The following DDOST variants were observed in gnomAD, a reference collection of about 807,000 sequenced individuals.
DDOST encodes dolichyl-diphosphooligosaccharide--protein glycosyltransferase non-catalytic subunit, also known as dolichyl-diphosphooligosaccharide--protein glycosyltransferase 48 kDa subunit.
In DDOST, 25 loss-of-function variants were observed where a neutral mutation model predicts 47.6. The observed-to-expected ratio is 0.53, with a 90% CI of 0.38 to 0.73. DDOST has a LOEUF of 0.73. Among genes scored for constraint, DDOST ranks in the 30% least tolerant of loss-of-function variants. The pLI is 0.00. For missense variants in DDOST, 526 were observed against 573.9 expected (o/e 0.92, Z 0.85); for synonymous variants, 275 against 236.0 (o/e 1.17, Z -1.51).
At chr1:20,654,179 C>T (rs1281678512) in intron 7 of DDOST, 44 bp downstream of exon 7, 4 of 1,548,842 alleles carry the variant, frequency 2.6e-6, no homozygotes, top group Non-Finnish European at 3.5e-6. Flanking sequence ...TATACACACA[C>T]TGCACCACCC....
intron 4 of DDOST, 62 bp from the exon 5 acceptor site, chr1:20,655,596 T>G: frequency 2.5e-6 from 4 of 1,591,732 alleles, no homozygotes; most frequent in Non-Finnish European, 3.4e-6. Flanking sequence ...AGGGAGAACC[T>G]CCTCACACCC....
intron 3 of DDOST, 38 bp from the exon 4 acceptor site, chr1:20,655,817 AG>A (rs768578151): frequency 1.9e-6 from 3 of 1,569,912 alleles, no homozygotes; most frequent in Non-Finnish European, 2.6e-6. Flanking sequence ...GAGCCCTTAC[AG>A]GGGGGCCTTG....
chr1:20,651,802 T>TTTTTTTTTTTATTTA lies in DDOST; in HGVS notation c.*576_*577insTAAATAAAAAAAAAA, dbSNP rs1360664032. On this transcript the variant is annotated 3_prime_UTR_variant, in exon 11 of 11. Coordinates refer to ENST00000602624, the MANE Select transcript of DDOST (RefSeq NM_005216.5). ...TTTGAGGGCAACATCTCGCTTTATTTTTATTTATTTATTTATTTATTTATT... is the reference window on the plus strand; with the variant it reads ...TTTGAGGGCAACATCTCGCTTTATTTTTTTTTTTTTATTTATTATTTATTTATTTATTTATTTATT... 3.1e-4 allele frequency: 1 copy of TTTTTTTTTTTATTTA among 3,184 alleles called. No individual in the cohort carries two copies. The highest frequency in any genetic ancestry group is 7.1e-4 in the Non-Finnish European group (1 of 1,416). 0.2% of individuals were successfully genotyped at this position (3,184 alleles called of 1,614,324 possible).
At chr1:20,654,061 C>T (rs961549458) in intron 7 of DDOST, among the ~76,000 whole-genome samples, 162 bp downstream of exon 7, 6 of 152,198 alleles carry the variant, frequency 3.9e-5, no homozygotes, top group Admixed American at 2.0e-4. Flanking sequence ...AGTGCCAATA[C>T]CAGCAATATA....
In DDOST at chr1:20,654,631, C is replaced by T. The variant is rs1395077769; in HGVS notation, c.628G>A (p.Asp210Asn). 2 of 1,563,492 alleles carry T rather than the reference C, an allele frequency of 1.3e-6. No homozygotes were observed. The highest frequency in any genetic ancestry group is 1.7e-4 in the Middle Eastern group (1 of 5,998). The change falls in exon 6 of 11, where the codon GAC (aspartate) becomes AAC (asparagine). Residue 210 changes from aspartate to asparagine, a missense_variant. Coordinates refer to ENST00000602624, the MANE Select transcript of DDOST (RefSeq NM_005216.5). ...GSSTSYSFFP[D>N]KPITQYPHAV... ...GCCCTTACCTGGGTGATAGGCTTGT[C>T]CGGGAAGAAGGAGTAAGAGGTGGAA...
rs1196325942 is a variant in DDOST, at chr1:20,661,368, A to C, written c.-18T>G. On this transcript the variant is annotated 5_prime_UTR_variant, in exon 1 of 11. Coordinates refer to ENST00000602624, the MANE Select transcript of DDOST (RefSeq NM_005216.5). ...GGCTCCATCTTCCTCCTCCTGCCGA[A>C]GGACCCAGCACGTGCACACCGGAAG... is the stretch of plus-strand genomic sequence containing the variant. The C allele has an allele frequency of 2.5e-6, 4 of 1,612,438 alleles. No individual in the cohort carries two copies. Among genetic ancestry groups the C allele is most frequent in the African/African-American group, 2.7e-5 (2 of 74,930 alleles).
At chr1:20,656,336 C>A in intron 2 of DDOST, 149 bp from the exon 3 acceptor site, 2 of 629,300 alleles carry the variant, frequency 3.2e-6, no homozygotes, top group Non-Finnish European at 5.7e-6. Context: ...AGGCTTCCCA[C>A]ACCACATCCC....
intron 8 of DDOST, 148 bp downstream of exon 8, chr1:20,653,479 C>T (rs1256232066): frequency 2.5e-6 from 2 of 788,044 alleles, no homozygotes; most frequent in Non-Finnish European, 3.8e-6. Flanking sequence ...CTCTGCATCT[C>T]ACCTGGCATG....
At chr1:20,660,483 C>A (rs2053423317) in intron 2 of DDOST, 1 of 158,272 alleles carries the variant, frequency 6.3e-6, no homozygotes, top group Admixed American at 6.1e-5. Context: ...TATCTGAATT[C>A]TTAAGATCAA....
intron 2 of DDOST, among the ~76,000 whole-genome samples, chr1:20,658,519 G>A (rs1030235709): frequency 5.9e-5 from 9 of 152,366 alleles, no homozygotes; most frequent in East Asian, 1.9e-4. Flanking sequence ...ACGCGAATGC[G>A]GGAACCGGGC....
chr1:20,660,869 C>G lies in DDOST; in HGVS notation c.265+12G>C. Reference sequence around the variant, plus strand: ...TCGAATTCCAGTGCTAGGGGCGACGCGGAACCCTTACCTTCTACCGAAGGG... The same window carrying G: ...TCGAATTCCAGTGCTAGGGGCGACGGGGAACCCTTACCTTCTACCGAAGGG... On this transcript the variant is annotated intron_variant, in intron 2 of 10. Transcript: ENST00000602624. The G allele has an allele frequency of 6.5e-7, 1 of 1,528,776 alleles. No individual in the cohort carries two copies. Among genetic ancestry groups the G allele is most frequent in the Non-Finnish European group, 9.1e-7 (1 of 1,103,110 alleles). 94.7% of individuals were successfully genotyped at this position (1,528,776 alleles called of 1,614,324 possible). A position where few individuals can be genotyped will look rare whatever the true frequency, so the allele number is the denominator to read the frequency against.
chr1:20,660,596 A>T (rs754225206), intron 2 of DDOST: 4 of 244,698 alleles, frequency 1.6e-5, no homozygotes, highest in Non-Finnish European at 3.2e-5. Flanking sequence ...CCATCTTTTT[A>T]TCAGGCCCTT....
chr1:20,661,081 G>A (rs2053429393), intron 1 of DDOST, 90 bp from the exon 2 acceptor site: 3 of 1,478,862 alleles, frequency 2.0e-6, no homozygotes, highest in Non-Finnish European at 1.9e-6. Context: ...CCAAGCGGCA[G>A]GCCAGACCCG....
intron 8 of DDOST, among the ~76,000 whole-genome samples, chr1:20,653,347 T>C (rs1007371873): frequency 6.6e-6 from 1 of 152,228 alleles, no homozygotes; most frequent in Non-Finnish European, 1.5e-5. Context: ...ATTTCTCTTA[T>C]TAAGTCCAAC....
Position 20,654,315 on chromosome 1 carries a change from G to A in DDOST, c.702C>T (p.Asn234=). 1 of 1,555,716 alleles carries A rather than the reference G, an allele frequency of 6.4e-7. No homozygotes were observed. The highest frequency in any genetic ancestry group is 8.7e-7 in the Non-Finnish European group (1 of 1,148,896). ...TLLIAGLQAR[N]NARVIFSGSL... ...AGCCGCTGAAGATGACGCGGGCATT[G>A]TTCCTGGCCTGGAGCCCAGCAATGA... is the stretch of plus-strand genomic sequence containing the variant. The change falls in exon 7 of 11, where the codon AAC becomes AAT. Residue 234 remains asparagine (N), a synonymous_variant. Transcript: ENST00000602624.
Position 20,652,327 on chromosome 1 carries a change from T to A in DDOST, c.*52A>T, listed in dbSNP as rs1032130396. 16 of 1,490,128 alleles carry A rather than the reference T, an allele frequency of 1.1e-5. No individual in the cohort carries two copies. Among genetic ancestry groups the A allele is most frequent in the Non-Finnish European group, 1.3e-5 (15 of 1,120,008 alleles). The allele number at this position is 1,490,128 out of a possible 1,614,324, so 92.3% of individuals were successfully genotyped here. On this transcript the variant is annotated 3_prime_UTR_variant, in exon 11 of 11. Coordinates refer to ENST00000602624, the MANE Select transcript of DDOST (RefSeq NM_005216.5). ...AGCAAAACAAAACCACCAATCCTAA[T>A]AACCCCCCTCCTTGCCCCGTCTCCA...
rs1325464700 is a variant in DDOST at position 20,654,725 on chromosome 1, CA to C, written c.552-19del. On this transcript the variant is annotated intron_variant, in intron 5 of 10. Transcript: ENST00000602624. ...CCACCATCCTGCAGCAGGACGAGAG[CA>C]GCCCAGCACTGGCCCCAGGAACTGA... 1.3e-6 allele frequency: 2 copies of C among 1,531,412 alleles called. No homozygotes were observed. The highest frequency in any genetic ancestry group is 3.9e-5 in the Admixed American group (2 of 51,108). 94.9% of individuals were successfully genotyped at this position (1,531,412 alleles called of 1,614,324 possible). A position where few individuals can be genotyped will look rare whatever the true frequency, so the allele number is the denominator to read the frequency against.
chr1:20,659,405 T>A (rs2053412319), intron 2 of DDOST, among the ~76,000 whole-genome samples: 1 of 152,178 alleles, frequency 6.6e-6, no homozygotes, highest in East Asian at 1.9e-4. Flanking sequence ...CTCCGCTTCA[T>A]CTTACATCCT....
At chr1:20,659,004 C>A (rs992969922) in intron 2 of DDOST, among the ~76,000 whole-genome samples, 1 of 151,666 alleles carries the variant, frequency 6.6e-6, no homozygotes, top group Non-Finnish European at 1.5e-5. Context: ...TACAGGCATG[C>A]ACCACCACGC....
Sources: gnomAD v4.1 joint callset for allele counts (sites outside exome capture counted in the v4.1 genomes callset) on GRCh38, gnomAD v4.1.1 for gene constraint, MANE v1.5 for transcripts, NCBI Gene and HGNC (gene_info 2026-07-23, HGNC 2026-07-21) for gene names.